The following GALNS variants were observed in gnomAD, a reference collection of about 807,000 sequenced individuals.
The protein encoded by GALNS is N-acetylgalactosamine-6-sulfatase.
A neutral mutation model predicts 65.9 loss-of-function variants in GALNS; 65 were observed. The observed-to-expected ratio is 0.99, with a 90% CI of 0.81 to 1.21. The LOEUF (loss-of-function observed/expected upper bound fraction) is 1.21, where lower values mean the gene tolerates loss of function less well. Ranked by LOEUF, GALNS falls within the 50% of genes most tolerant of loss-of-function variation. The pLI is 0.00. For missense variants in GALNS, 776 were observed against 700.7 expected (o/e 1.11, Z -1.21); for synonymous variants, 346 against 288.9 (o/e 1.20, Z -2.00).
At position 88,846,731 on chromosome 16, in the gene GALNS, C is replaced by T. The variant is rs138536445; in HGVS notation, c.121-3902G>A. On this transcript the variant is annotated intron_variant, in intron 1 of 13. Coordinates refer to ENST00000268695, the MANE Select transcript of GALNS (RefSeq NM_000512.5). ...CTAGTTTTTGTATTTTTAGTAGAGA[C>T]GGGGTTTCGCCATGTTGGCCAGGCT... Among the ~76,000 whole-genome samples the T allele has an allele frequency of 1.4e-3, 216 of 152,032 alleles. 1 individual carries two copies. Among genetic ancestry groups the T allele is most frequent in the African/African-American group, 5.0e-3 (208 of 41,446 alleles).
rs1160785262 is a variant in GALNS, at chr16:88,814,202, C to T, written c.*237G>A. ...GACGGCAGGGTCCTGAGGTCTGAGG[C>T]GCCGTGGGCGAGGAGGAGGGTCCTG... On this transcript the variant is annotated 3_prime_UTR_variant, in exon 14 of 14. Transcript: ENST00000268695. The T allele has an allele frequency of 3.2e-5, 19 of 599,016 alleles. No individual in the cohort carries two copies. In the South Asian group the frequency reaches 3.3e-4, roughly 10 times the overall value. The allele number at this position is 599,016 out of a possible 1,614,324, so 37.1% of individuals were successfully genotyped here. A position where few individuals can be genotyped will look rare whatever the true frequency, so the allele number is the denominator to read the frequency against.
At chr16:88,814,931 C>T (rs1567509673) in intron 13 of GALNS, 1 of 626,604 alleles carries the variant, frequency 1.6e-6, no homozygotes, top group Admixed American at 6.3e-5. Flanking sequence ...CAAGGGTTCC[C>T]CAAGTTGGCC....
intron 1 of GALNS, among the ~76,000 whole-genome samples, chr16:88,854,171 C>CTG (rs879705344): frequency 1.3e-5 from 2 of 152,214 alleles, no homozygotes; most frequent in Non-Finnish European, 2.9e-5. Context: ...TCAAGTGGTG[C>CTG]TGGGCCCAGA....
chr16:88,838,216 G>A (rs1912344811), intron 4 of GALNS, among the ~76,000 whole-genome samples: 1 of 152,176 alleles, frequency 6.6e-6, no homozygotes. Flanking sequence ...GGTAATTACT[G>A]GGTCTCTCCA....
chr16:88,836,126 C>G, intron 6 of GALNS, 75 bp downstream of exon 6: 1 of 1,362,836 alleles, frequency 7.3e-7, no homozygotes, highest in Non-Finnish European at 1.0e-6. Context: ...GTCCCCACGC[C>G]TCCCACAGGA....
In GALNS at chr16:88,841,015, G is replaced by A. The variant is rs761206910; in HGVS notation, c.399C>T (p.Tyr133=). The A allele has an allele frequency of 1.5e-5, 24 of 1,613,212 alleles. No individual in the cohort carries two copies. Among genetic ancestry groups the A allele is most frequent in the African/African-American group, 2.7e-5 (2 of 75,052 alleles). ...ACCACTTGCCGACAATCTTGCTGAC[G>A]TAGCCGGCCTTCTTCAGAAGCTCCG... ...LLPELLKKAG[Y]VSKIVGKWHL... Residue 133 remains tyrosine, a synonymous_variant, in exon 4 of 14, where the codon TAC becomes TAT. Coordinates refer to ENST00000268695, the MANE Select transcript of GALNS (RefSeq NM_000512.5).
chr16:88,827,809 G>C (rs1323624420), intron 9 of GALNS, among the ~76,000 whole-genome samples: 2 of 152,238 alleles, frequency 1.3e-5, no homozygotes, highest in Non-Finnish European at 1.5e-5. Flanking sequence ...TGGGGCTGGA[G>C]AGACACCCCT....
chr16:88,844,339 A>G (rs149023225), intron 1 of GALNS: 1 of 152,166 alleles, frequency 6.6e-6, no homozygotes, highest in Non-Finnish European at 1.5e-5. Context: ...TACAGTGTGT[A>G]TTGTTGGAAA....
At chr16:88,826,977 G>A in intron 9 of GALNS, 139 bp from the exon 10 acceptor site, 1 of 1,042,818 alleles carries the variant, frequency 9.6e-7, no homozygotes, top group Non-Finnish European at 1.4e-6. Flanking sequence ...CCCACAGCAG[G>A]GACTGAGCGG....
At chr16:88,843,737 A>C (rs927272644) in intron 1 of GALNS, 1 of 143,560 alleles carries the variant, frequency 7.0e-6, no homozygotes, top group African/African-American at 3.0e-5. Context: ...AGAATCCGGC[A>C]AGAATCCATT....
intron 1 of GALNS, among the ~76,000 whole-genome samples, chr16:88,853,842 C>T (rs887205854): frequency 2.0e-5 from 3 of 152,138 alleles, no homozygotes; most frequent in South Asian, 4.1e-4. Context: ...GGCTCAGCTC[C>T]CCCTGGACAG....
At chr16:88,836,714 G>A (rs1912180630) in intron 5 of GALNS, among the ~76,000 whole-genome samples, 2 of 152,198 alleles carry the variant, frequency 1.3e-5, no homozygotes, top group African/African-American at 4.8e-5. Flanking sequence ...CAACCAAGCT[G>A]GACGCATCCC....
intron 11 of GALNS, among the ~76,000 whole-genome samples, chr16:88,823,748 C>T (rs1234167346): frequency 2.1e-5 from 3 of 145,076 alleles, no homozygotes; most frequent in East Asian, 2.1e-4. Flanking sequence ...GCCCGGGGAA[C>T]GATGCCCAGG....
chr16:88,839,804 A>T (rs578082138), intron 4 of GALNS, among the ~76,000 whole-genome samples: 1 of 152,268 alleles, frequency 6.6e-6, no homozygotes, highest in South Asian at 2.1e-4. Context: ...CGAGGCCTCT[A>T]TGGAGACCCA....
At chr16:88,846,617 C>T (rs774166084) in intron 1 of GALNS, among the ~76,000 whole-genome samples, 7 of 150,808 alleles carry the variant, frequency 4.6e-5, no homozygotes, top group African/African-American at 7.3e-5. Flanking sequence ...TCTCGGCTCA[C>T]GGCAACCTTT....
At chr16:88,855,771 C>G (rs775485175) in intron 1 of GALNS, 3 of 540,532 alleles carry the variant, frequency 5.6e-6, no homozygotes, top group Non-Finnish European at 9.9e-6. Context: ...CTGCCCAGCC[C>G]TTGGGTGTGG....
At chr16:88,836,752 C>G (rs998949547) in intron 5 of GALNS, among the ~76,000 whole-genome samples, 1 of 152,196 alleles carries the variant, frequency 6.6e-6, no homozygotes, top group South Asian at 2.1e-4. Context: ...GGTCTTGCAT[C>G]TGATGACCTG....
At chr16:88,850,208 GC>G (rs1423768344) in intron 1 of GALNS, among the ~76,000 whole-genome samples, 2 of 152,210 alleles carry the variant, frequency 1.3e-5, no homozygotes, top group Non-Finnish European at 2.9e-5. Context: ...TACACTGTCT[GC>G]CCATGCCCAG....
At chr16:88,848,567 G>A (rs1448414288) in intron 1 of GALNS, among the ~76,000 whole-genome samples, 3 of 115,522 alleles carry the variant, frequency 2.6e-5, no homozygotes, top group Admixed American at 8.1e-5. Context: ...GTGAGACTCC[G>A]TCTGAAAAAA....
Sources: gnomAD v4.1 joint callset for allele counts (sites outside exome capture counted in the v4.1 genomes callset) on GRCh38, gnomAD v4.1.1 for gene constraint, MANE v1.5 for transcripts, NCBI Gene and HGNC (gene_info 2026-07-23, HGNC 2026-07-21) for gene names.